The following MCF2 variants were observed in gnomAD, a reference collection of about 807,000 sequenced individuals.
MCF2 encodes MCF.2 cell line derived transforming sequence, also known as proto-oncogene DBL.
A neutral mutation model predicts 82.5 loss-of-function variants in MCF2; 44 were observed. That is an observed-to-expected ratio of 0.53 (90% CI 0.42 to 0.69). The LOEUF (loss-of-function observed/expected upper bound fraction) is 0.69, where lower values mean the gene tolerates loss of function less well. Ranked by LOEUF, MCF2 falls within the 30% of genes least tolerant of loss-of-function variation. The pLI is 0.00. For synonymous variants in MCF2, 217 were observed against 224.9 expected (o/e 0.96, Z 0.32); for missense variants, 623 against 663.1 (o/e 0.94, Z 0.66).
intron 1 of MCF2, among the ~76,000 whole-genome samples, chrX:139,677,733 T>C (rs897297531): frequency 8.9e-5 from 10 of 112,077 alleles, no homozygotes; most frequent in African/African-American, 2.6e-4. Flanking sequence ...ACATTAGATA[T>C]CATATTTGAA....
chrX:139,588,390 T>C (rs1478521760), exon 21 of MCF2: 9 of 1,204,937 alleles, frequency 7.5e-6, no homozygotes, highest in Non-Finnish European at 1.0e-5. Flanking sequence ...TTCAACAAAA[T>C]ATTTCTTATT....
rs765496570 is a variant in MCF2, at chrX:139,649,326, T to G, written c.25+2394A>C. On this transcript the variant is annotated intron_variant, in intron 2 of 27. Coordinates refer to the MCF2 transcript ENST00000414978. The stretch of plus-strand genomic sequence containing the variant: ...ATCCACTGAAGAGTTTTTAAAAAAC[T>G]CAAAGGAGAAACTGTACAATTCTGA... Among the ~76,000 whole-genome samples the G allele has an allele frequency of 1.1e-4, 12 of 111,906 alleles. No individual in the cohort carries two copies. The South Asian group carries it at 4.5e-3, about 42-fold the overall frequency.
chrX:139,596,621 A>C, exon 19 of MCF2: 1 of 1,210,775 alleles, frequency 8.3e-7, no homozygotes, highest in Non-Finnish European at 1.1e-6. Flanking sequence ...GCCTTTTGCA[A>C]AAAACAATGG....
rs1382904682 is a variant in MCF2 at position 139,613,237 on chromosome X, C to T, written c.1363+1644G>A. 87 of 1,148,424 alleles carry T rather than the reference C, an allele frequency of 7.6e-5. No individual in the cohort carries two copies. Among genetic ancestry groups the T allele is most frequent in the Non-Finnish European group, 9.1e-5 (78 of 860,453 alleles). The allele number at this position is 1,148,424 out of a possible 1,213,427, so 94.6% of individuals were successfully genotyped here. On this transcript the variant is annotated intron_variant, in intron 10 of 24. Transcript: ENST00000370576. ...GTACCTTTTGAAAAAAGTTTACATG[C>T]TTGAAAGAAAGAGTATCCAACTCCC...
intron 1 of MCF2, among the ~76,000 whole-genome samples, chrX:139,670,871 G>C (rs182106170): frequency 8.9e-6 from 1 of 111,924 alleles, no homozygotes; most frequent in African/African-American, 3.2e-5. Flanking sequence ...AGTTCTAGAT[G>C]CTTGAGGAAT....
chrX:139,654,513 G>A (rs1298678518), intron 1 of MCF2, among the ~76,000 whole-genome samples: 1 of 111,890 alleles, frequency 8.9e-6, no homozygotes, highest in Non-Finnish European at 1.9e-5. Context: ...CTATTGAGTT[G>A]TTTGAGCTCC....
upstream of MCF2, chrX:139,642,961 G>T: frequency 3.0e-6 from 1 of 333,866 alleles, no homozygotes; most frequent in Non-Finnish European, 4.1e-6. Flanking sequence ...TCTTTGTGAA[G>T]GTAGTATTAA....
chrX:139,603,950 C>T (rs1426361162), intron 15 of MCF2, among the ~76,000 whole-genome samples: 1 of 112,576 alleles, frequency 8.9e-6, no homozygotes, highest in Non-Finnish European at 1.9e-5. Context: ...TGGGATAAGA[C>T]ATCTATTTTG....
chrX:139,629,934 G>T, intron 3 of MCF2, 90 bp from the exon 7 acceptor site: 1 of 737,495 alleles, frequency 1.4e-6, no homozygotes, highest in Non-Finnish European at 2.0e-6. Flanking sequence ...TTTTATTGGG[G>T]GTATAACGGC....
At chrX:139,662,247 T>C (rs991977243) in intron 1 of MCF2, among the ~76,000 whole-genome samples, 2 of 111,064 alleles carry the variant, frequency 1.8e-5, no homozygotes, top group Non-Finnish European at 3.8e-5. Context: ...TGTTCATATC[T>C]TGGAATATAA....
chrX:139,613,141 T>C, intron 10 of MCF2, 75 bp downstream of exon 14: 1 of 746,911 alleles, frequency 1.3e-6, no homozygotes, highest in Non-Finnish European at 2.0e-6. Flanking sequence ...TGTTTTTAGA[T>C]GCCAAACTGG....
chrX:139,680,284 C>T (rs777846520), intron 1 of MCF2, among the ~76,000 whole-genome samples: 2 of 111,629 alleles, frequency 1.8e-5, no homozygotes, highest in Admixed American at 9.6e-5. Context: ...CCACCACATC[C>T]GGCTAATTGT....
intron 1 of MCF2, among the ~76,000 whole-genome samples, chrX:139,673,632 G>T (rs1160848328): frequency 8.9e-6 from 1 of 112,124 alleles, no homozygotes; most frequent in Non-Finnish European, 1.9e-5. Context: ...GGTTTTGAGT[G>T]AGTTTCTTAA....
intron 1 of MCF2, among the ~76,000 whole-genome samples, chrX:139,693,779 C>T (rs992243113): frequency 9.0e-6 from 1 of 111,068 alleles, no homozygotes; most frequent in East Asian, 2.8e-4. Flanking sequence ...AAATAAGACA[C>T]AAATGAGGGG....
At chrX:139,687,759 T>C (rs1347254961) in intron 1 of MCF2, among the ~76,000 whole-genome samples, 1 of 112,241 alleles carries the variant, frequency 8.9e-6, no homozygotes, top group Non-Finnish European at 1.9e-5. Flanking sequence ...CAGGAGAACA[T>C]AGATTTTTAC....
chrX:139,670,335 T>G (rs2148550727), intron 1 of MCF2, among the ~76,000 whole-genome samples: 1 of 111,679 alleles, frequency 9.0e-6, no homozygotes, highest in East Asian at 2.8e-4. Flanking sequence ...TATTATACTT[T>G]AAGTTCTAGG....
intron 7 of MCF2, among the ~76,000 whole-genome samples, chrX:139,619,164 T>C (rs1184557014): frequency 3.6e-5 from 4 of 111,205 alleles, no homozygotes; most frequent in Non-Finnish European, 7.6e-5. Context: ...TTCTCCAAAA[T>C]AATTTATGCC....
intron 1 of MCF2, among the ~76,000 whole-genome samples, chrX:139,654,547 C>T (rs1013833510): frequency 8.9e-6 from 1 of 111,916 alleles, no homozygotes; most frequent in Admixed American, 9.5e-5. Flanking sequence ...TTACTAATCC[C>T]TTGTCAAATG....
intron 1 of MCF2, among the ~76,000 whole-genome samples, chrX:139,695,311 T>G (rs992248614): frequency 8.9e-6 from 1 of 112,029 alleles, no homozygotes; most frequent in Admixed American, 9.5e-5. Flanking sequence ...ATTACAGGCG[T>G]GAGCCATCGC....
Sources: allele counts gnomAD v4.1 joint callset (sites outside exome capture counted in the v4.1 genomes callset), GRCh38; gene constraint gnomAD v4.1.1; transcripts MANE v1.5; gene names NCBI Gene and HGNC (gene_info 2026-07-23, HGNC 2026-07-21).